Variants in WWP2 observed in about 807,000 individuals in gnomAD.
The protein encoded by WWP2 is NEDD4-like E3 ubiquitin-protein ligase WWP2.
A neutral mutation model predicts 121.0 loss-of-function variants in WWP2; 57 were observed. That is an observed-to-expected ratio of 0.47 (90% CI 0.38 to 0.59). The LOEUF (loss-of-function observed/expected upper bound fraction) is 0.59, where lower values mean the gene tolerates loss of function less well. WWP2 is among the 20% of genes least tolerant of loss of function. The probability of loss-of-function intolerance (pLI) is 0.00; values close to 1 mark genes in which losing one functional copy is unlikely to be tolerated. For missense variants in WWP2, 962 were observed against 1,158.9 expected (o/e 0.83, Z 2.47); for synonymous variants, 449 against 441.3 (o/e 1.02, Z -0.22).
intron 7 of WWP2, among the ~76,000 whole-genome samples, chr16:69,876,497 TG>T: frequency 6.6e-6 from 1 of 152,196 alleles, no homozygotes; most frequent in East Asian, 1.9e-4. Context: ...CCAAAGTAGC[TG>T]GGATTACAGG....
chr16:69,883,383 A>G lies in WWP2; in HGVS notation c.704-4656A>G, dbSNP rs190714944. On this transcript the variant is annotated intron_variant, in intron 7 of 23. Coordinates refer to ENST00000359154, the MANE Select transcript of WWP2 (RefSeq NM_001270454.2). ...ACTCCTGAGGTTCTTTCAAGCTTTC[A>G]TGTTCTAAGAATGTGCGCACACACA... Among the ~76,000 whole-genome samples the G allele has an allele frequency of 1.7e-3, 235 of 142,126 alleles. 2 individuals are homozygous for G. The highest frequency in any genetic ancestry group is 6.3e-4 in the Non-Finnish European group (42 of 66,620). 93.2% of individuals were successfully genotyped at this position (142,126 alleles called of 152,430 possible).
intron 1 of WWP2, among the ~76,000 whole-genome samples, chr16:69,767,036 G>T (rs7191954): frequency 0.023 from 3,190 of 137,794 alleles, 80 homozygotes; most frequent in African/African-American, 0.074. Flanking sequence ...TAGGGGTTTT[G>T]TTTTTTTTTT....
At chr16:69,814,718 T>C (rs1219790744) in intron 4 of WWP2, among the ~76,000 whole-genome samples, 1 of 152,204 alleles carries the variant, frequency 6.6e-6, no homozygotes, top group African/African-American at 2.4e-5. Flanking sequence ...GACAGGCCAG[T>C]CATGAGCGGT....
intron 7 of WWP2, among the ~76,000 whole-genome samples, chr16:69,883,394 A>T (rs1055011639): frequency 1.8e-5 from 2 of 111,432 alleles, no homozygotes; most frequent in Non-Finnish European, 3.4e-5. Flanking sequence ...TGTTCTAAGA[A>T]TGTGCGCACA....
chr16:69,867,725 G>T (rs1409392444), intron 6 of WWP2, among the ~76,000 whole-genome samples: 2 of 152,240 alleles, frequency 1.3e-5, no homozygotes, highest in East Asian at 3.8e-4. Context: ...GCTACAAAGA[G>T]AGCTGAATTT....
Position 69,929,517 on chromosome 16 carries a change from C to T in WWP2, c.1304C>T (p.Pro435Leu). The T allele has an allele frequency of 6.2e-7, 1 of 1,614,080 alleles. No individual in the cohort carries two copies. The highest frequency in any genetic ancestry group is 8.5e-7 in the Non-Finnish European group (1 of 1,179,988). ...HNTRTTQWED[P>L]RTQGMIQEPA... Reference sequence around the variant, plus strand: ...ACTCGCACGACCCAGTGGGAGGATCCCCGGACCCAGGGGTAAGGACTTGGG... The same window carrying T: ...ACTCGCACGACCCAGTGGGAGGATCTCCGGACCCAGGGGTAAGGACTTGGG... The change falls in exon 12 of 24, where the codon CCC becomes CTC. Residue 435 changes from proline (P) to leucine (L), a missense_variant. Transcript: ENST00000359154.
chr16:69,769,979 A>G (rs2055381623), intron 1 of WWP2, among the ~76,000 whole-genome samples: 1 of 150,788 alleles, frequency 6.6e-6, no homozygotes, highest in Non-Finnish European at 1.5e-5. Flanking sequence ...CCCGTGCCTC[A>G]GCCTCCCAAG....
chr16:69,797,562 A>T (rs1172239361), intron 2 of WWP2, among the ~76,000 whole-genome samples: 1 of 152,168 alleles, frequency 6.6e-6, no homozygotes, highest in Non-Finnish European at 1.5e-5. Context: ...TACTCATAAA[A>T]TCTTAAATAT....
chr16:69,934,394 G>T (rs1211137278), intron 17 of WWP2, among the ~76,000 whole-genome samples: 1 of 152,074 alleles, frequency 6.6e-6, no homozygotes, highest in African/African-American at 2.4e-5. Flanking sequence ...GCTAGAGAGA[G>T]TTCTGGAGAA....
intron 6 of WWP2, among the ~76,000 whole-genome samples, chr16:69,865,616 G>T (rs1180305257): frequency 1.3e-5 from 2 of 152,158 alleles, no homozygotes; most frequent in Non-Finnish European, 2.9e-5. Flanking sequence ...ACGCTAAACT[G>T]GTTGGCTAAG....
intron 6 of WWP2, among the ~76,000 whole-genome samples, chr16:69,869,750 G>T (rs1159012142): frequency 2.0e-5 from 3 of 152,158 alleles, no homozygotes; most frequent in Admixed American, 6.5e-5. Context: ...AATATCCAAA[G>T]ATAATGACGG....
chr16:69,827,351 G>A (rs948748055), intron 4 of WWP2, among the ~76,000 whole-genome samples: 3 of 151,908 alleles, frequency 2.0e-5, no homozygotes, highest in East Asian at 1.9e-4. Flanking sequence ...CCAAGATCGC[G>A]CCACTGCACT....
chr16:69,804,081 G>GA (rs147602011), intron 4 of WWP2, among the ~76,000 whole-genome samples: 8,873 of 152,116 alleles, frequency 0.058, 842 homozygotes, highest in African/African-American at 0.2. Flanking sequence ...GGTATTGAAA[G>GA]AACTCTTTAT....
At chr16:69,845,004 G>A (rs188359346) in intron 6 of WWP2, among the ~76,000 whole-genome samples, 115 of 152,312 alleles carry the variant, frequency 7.6e-4, no homozygotes, top group African/African-American at 2.1e-3. Flanking sequence ...TATGACTGTA[G>A]GCGGTGGCCA....
Position 69,888,097 on chromosome 16 carries a change from G to A in WWP2, c.762G>A (p.Thr254=), listed in dbSNP as rs142513531. 12 of 1,614,208 alleles carry A rather than the reference G, an allele frequency of 7.4e-6. No individual in the cohort carries two copies. Among genetic ancestry groups the A allele is most frequent in the African/African-American group, 1.3e-5 (1 of 75,050 alleles). ...AAGAACCTTCCGTTGTTGGTGTGAC[G>A]TCCCCACCTGCTGCACCCTTGAGTG... ...DPEEPSVVGV[T]SPPAAPLSVT... is the part of the protein sequence containing the mutation. Residue 254 remains threonine (T), a synonymous_variant, in exon 8 of 24, where the codon ACG becomes ACA. Transcript: ENST00000359154.
At position 69,937,753 on chromosome 16, in the gene WWP2, C is replaced by T; in HGVS notation, c.2343+101C>T. The T allele has an allele frequency of 1.8e-6, 2 of 1,092,558 alleles. No homozygotes were observed. Among genetic ancestry groups the T allele is most frequent in the Non-Finnish European group, 2.7e-6 (2 of 743,230 alleles). The allele number at this position is 1,092,558 out of a possible 1,614,324, so 67.7% of individuals were successfully genotyped here. A position where few individuals can be genotyped will look rare whatever the true frequency, so the allele number is the denominator to read the frequency against. Reference sequence around the variant, plus strand: ...CGCGCAAGGACCTTCAGCTTTGGCCCTGTCCTTGCCTCCCACACCTTGCAA... The same window carrying T: ...CGCGCAAGGACCTTCAGCTTTGGCCTTGTCCTTGCCTCCCACACCTTGCAA... On this transcript the variant is annotated intron_variant, in intron 21 of 23. Coordinates refer to ENST00000359154, the MANE Select transcript of WWP2 (RefSeq NM_001270454.2). This position sits in a 1 kb window ranked among gnomAD's most constrained non-coding sequence, Gnocchi z 6.6.
chr16:69,928,722 C>G (rs976170127), intron 11 of WWP2, among the ~76,000 whole-genome samples: 4 of 151,888 alleles, frequency 2.6e-5, no homozygotes, highest in Non-Finnish European at 5.9e-5. Context: ...CCAGCCAGGA[C>G]AACATAGCGA....
intron 10 of WWP2, chr16:69,924,881 G>T (rs763735462): frequency 7.3e-6 from 7 of 959,580 alleles, no homozygotes; most frequent in African/African-American, 1.8e-5. Flanking sequence ...ATGGGAGGTT[G>T]GGGGGGACGC....
intron 1 of WWP2, among the ~76,000 whole-genome samples, chr16:69,786,511 G>A (rs2055795146): frequency 6.9e-6 from 1 of 145,704 alleles, no homozygotes. Context: ...CAGTGCAATG[G>A]CCGATCTTGG....
Sources: allele counts gnomAD v4.1 joint callset (sites outside exome capture counted in the v4.1 genomes callset), GRCh38; gene constraint gnomAD v4.1.1; non-coding constraint Gnocchi (gnomAD v3.1); transcripts MANE v1.5; gene names NCBI Gene and HGNC (gene_info 2026-07-23, HGNC 2026-07-21).